DNAH6: variants seen among roughly 807,000 people sequenced by gnomAD.
The protein encoded by DNAH6 is axonemal beta dynein heavy chain 6.
Under a neutral mutation model 491.4 loss-of-function variants are expected in DNAH6, and 340 were observed. The ratio of observed to expected loss-of-function variants is 0.69; its 90% CI spans 0.63 to 0.76. The LOEUF is 0.76. Among genes scored for constraint, DNAH6 ranks in the 30% least tolerant of loss-of-function variants. DNAH6 has a pLI of 0.00. For missense variants in DNAH6, 4,443 were observed against 4,972.2 expected (o/e 0.89, Z 3.20); for synonymous variants, 1,603 against 1,686.1 (o/e 0.95, Z 1.21).
In DNAH6 at chr2:84,653,325, C is replaced by T. The variant is rs761812190; in HGVS notation, c.5085C>T (p.Ile1695=). The T allele has an allele frequency of 1.2e-5, 19 of 1,520,010 alleles. No homozygotes were observed. The highest frequency in any genetic ancestry group is 2.2e-5 in the Admixed American group (1 of 46,064). The allele number at this position is 1,520,010 out of a possible 1,614,324, so 94.2% of individuals were successfully genotyped here. The change falls in exon 34 of 77, where the codon ATC becomes ATT. Residue 1695 remains isoleucine (I), a synonymous_variant. Coordinates refer to ENST00000389394, the MANE Select transcript of DNAH6 (RefSeq NM_001370.2). ...TTTATTTTTGTTTTGACAGTGGAAT[C>T]ATATCTGACCTTTTTCCTGGAGTCC... The part of the protein sequence containing the change: ...LTDDALLFSG[I]ISDLFPGVQI...
chr2:84,537,465 G>A (rs1677806222), intron 4 of DNAH6, among the ~76,000 whole-genome samples: 2 of 151,964 alleles, frequency 1.3e-5, no homozygotes. Context: ...TTGCATCTGA[G>A]TTGACACCTA....
chr2:84,585,037 T>C (rs1233489835), intron 15 of DNAH6, among the ~76,000 whole-genome samples: 1 of 152,210 alleles, frequency 6.6e-6, no homozygotes, highest in East Asian at 1.9e-4. Context: ...GATTACAGTA[T>C]ACCTTTACAT....
chr2:84,588,720 G>T (rs1683801055), intron 15 of DNAH6, 106 bp from the exon 16 acceptor site: 5 of 1,095,126 alleles, frequency 4.6e-6, no homozygotes, highest in Non-Finnish European at 6.2e-6. Flanking sequence ...AAATCAAAAA[G>T]AAAAGAGAAA....
chr2:84,619,559 A>T, intron 23 of DNAH6, 126 bp from the exon 24 acceptor site: 1 of 778,340 alleles, frequency 1.3e-6, no homozygotes, highest in Non-Finnish European at 2.0e-6. Flanking sequence ...ACCCATGACC[A>T]GTATAATTGG....
At chr2:84,600,032 T>A (rs1685066526) in intron 18 of DNAH6, among the ~76,000 whole-genome samples, 1 of 152,220 alleles carries the variant, frequency 6.6e-6, no homozygotes, top group Admixed American at 6.5e-5. Flanking sequence ...ATTCTGCTGT[T>A]GCTCAGTGAT....
intron 21 of DNAH6, among the ~76,000 whole-genome samples, chr2:84,611,116 G>A (rs142723213): frequency 4.6e-4 from 67 of 144,088 alleles, no homozygotes; most frequent in African/African-American, 1.7e-3. Flanking sequence ...ATTTCTGACC[G>A]TGTATTTCTG....
chr2:84,740,957 C>T (rs1242146435), intron 62 of DNAH6, among the ~76,000 whole-genome samples: 1 of 152,192 alleles, frequency 6.6e-6, no homozygotes, highest in Non-Finnish European at 1.5e-5. Flanking sequence ...GACCAAAATG[C>T]TTGCTGTGGC....
chr2:84,558,767 C>T (rs1391989612), intron 11 of DNAH6, among the ~76,000 whole-genome samples: 1 of 152,126 alleles, frequency 6.6e-6, no homozygotes, highest in Non-Finnish European at 1.5e-5. Flanking sequence ...CTCAAAAGCT[C>T]ACTTATTGAG....
chr2:84,607,313 A>G (rs560380048), intron 21 of DNAH6, among the ~76,000 whole-genome samples: 1 of 152,346 alleles, frequency 6.6e-6, no homozygotes, highest in African/African-American at 2.4e-5. Context: ...ACCCTTGCAT[A>G]GGTATACTTC....
chr2:84,755,901 T>C lies in DNAH6; in HGVS notation c.10513-6854T>C, dbSNP rs142169544. Among the ~76,000 whole-genome samples the C allele has an allele frequency of 9.3e-4, 141 of 152,330 alleles. 1 individual carries two copies. The highest frequency in any genetic ancestry group is 1.7e-3 in the Non-Finnish European group (113 of 68,014). Reference sequence around the variant, plus strand: ...TCACGGGAGCAAATCTTTCCCGTGCTGTTCTCGTGACAGTGAATAAGTCTC... The same window carrying C: ...TCACGGGAGCAAATCTTTCCCGTGCCGTTCTCGTGACAGTGAATAAGTCTC... On this transcript the variant is annotated intron_variant, in intron 63 of 76. Transcript: ENST00000389394.
intron 4 of DNAH6, among the ~76,000 whole-genome samples, chr2:84,529,783 G>T (rs536122494): frequency 1.3e-5 from 2 of 152,176 alleles, no homozygotes; most frequent in Admixed American, 1.3e-4. Context: ...TTCTTGAGAT[G>T]GTCTTTTCTT....
rs73945104 is a variant in DNAH6 at position 84,525,660 on chromosome 2, A to C, written c.321A>C (p.Pro107=). The change falls in exon 3 of 77, where the codon CCA becomes CCC. Residue 107 remains proline, a synonymous_variant. Transcript: ENST00000389394. ...QLMTAGIIKR[P]VSIAKKSFAT... is the part of the protein sequence containing the mutation. ...TGACTGCAGGAATCATTAAACGTCC[A>C]GTAAGCATAGCAAAAAAAAGTTTTG... 2,801 of 1,550,696 alleles carry C rather than the reference A, an allele frequency of 1.8e-3. 37 individuals are homozygous for C. In the African/African-American group the frequency reaches 0.035, roughly 19 times the overall value.
chr2:84,575,655 C>A (rs1316362356), intron 12 of DNAH6, among the ~76,000 whole-genome samples: 1 of 152,072 alleles, frequency 6.6e-6, no homozygotes, highest in Non-Finnish European at 1.5e-5. Flanking sequence ...GAGGCCGAGG[C>A]GGGGGGATCA....
At chr2:84,799,116 T>C (rs1280747779) in intron 70 of DNAH6, among the ~76,000 whole-genome samples, 1 of 151,992 alleles carries the variant, frequency 6.6e-6, no homozygotes, top group African/African-American at 2.4e-5. Flanking sequence ...GCCTCCCAAG[T>C]AGCTGGGATT....
intron 68 of DNAH6, among the ~76,000 whole-genome samples, chr2:84,788,755 T>G (rs893932284): frequency 6.6e-6 from 1 of 152,160 alleles, no homozygotes; most frequent in African/African-American, 2.4e-5. Context: ...GCACCTAGTC[T>G]TGGTCAGAAG....
chr2:84,744,621 C>G (rs975968576), intron 62 of DNAH6, among the ~76,000 whole-genome samples: 3 of 152,064 alleles, frequency 2.0e-5, no homozygotes, highest in Non-Finnish European at 4.4e-5. Context: ...CTACCTCTAA[C>G]AGTTATTATT....
chr2:84,681,193 T>C (rs1693745160), intron 41 of DNAH6, among the ~76,000 whole-genome samples, 164 bp from the exon 42 acceptor site: 1 of 152,198 alleles, frequency 6.6e-6, no homozygotes, highest in Admixed American at 6.5e-5. Context: ...GAGCGCATTC[T>C]CAAGAATGTT....
At chr2:84,540,669 A>G (rs1200960727) in intron 4 of DNAH6, among the ~76,000 whole-genome samples, 2 of 152,118 alleles carry the variant, frequency 1.3e-5, no homozygotes, top group Non-Finnish European at 2.9e-5. Context: ...AGGGCCCCAA[A>G]ATTCTCTCAG....
rs1481370376 is a variant in DNAH6 at position 84,624,886 on chromosome 2, G to A, written c.4354-16G>A. 1.3e-6 allele frequency: 2 copies of A among 1,537,072 alleles called. No individual in the cohort carries two copies. Among genetic ancestry groups the A allele is most frequent in the Non-Finnish European group, 1.8e-6 (2 of 1,140,920 alleles). ...AGTTGGTTCCCTTCATATTGATAATGCATTGCTTTCTTCAGGATCGCTGCT... is the reference window on the plus strand; with the variant it reads ...AGTTGGTTCCCTTCATATTGATAATACATTGCTTTCTTCAGGATCGCTGCT... On this transcript the variant is annotated splice_polypyrimidine_tract_variant and intron_variant, in intron 28 of 76. Coordinates refer to ENST00000389394, the MANE Select transcript of DNAH6 (RefSeq NM_001370.2).
Sources: gnomAD v4.1 joint callset for allele counts (sites outside exome capture counted in the v4.1 genomes callset) on GRCh38, gnomAD v4.1.1 for gene constraint, MANE v1.5 for transcripts, NCBI Gene and HGNC (gene_info 2026-07-23, HGNC 2026-07-21) for gene names.